The following ITGA8 variants were observed in gnomAD, a reference collection of about 807,000 sequenced individuals.
ITGA8 encodes the protein integrin alpha-8.
Under a neutral mutation model 142.3 loss-of-function variants are expected in ITGA8, and 91 were observed. That is an observed-to-expected ratio of 0.64 (90% CI 0.54 to 0.76). The LOEUF is 0.76. Ranked by LOEUF, ITGA8 falls within the 30% of genes least tolerant of loss-of-function variation. ITGA8 has a pLI of 0.00. For missense variants in ITGA8, 1,406 were observed against 1,327.7 expected, an observed-to-expected ratio of 1.06 and a Z score of -0.92; for synonymous variants, 505 against 485.2, an observed-to-expected ratio of 1.04 and a Z score of -0.54.
At chr10:15,698,740 C>T (rs1401734268) in intron 2 of ITGA8, among the ~76,000 whole-genome samples, 1 of 152,074 alleles carries the variant, frequency 6.6e-6, no homozygotes, top group African/African-American at 2.4e-5. Flanking sequence ...ATGTCCTTAG[C>T]CCACTTTTTG....
At chr10:15,581,861 A>G (rs1834414081) in intron 23 of ITGA8, among the ~76,000 whole-genome samples, 1 of 152,230 alleles carries the variant, frequency 6.6e-6, no homozygotes, top group South Asian at 2.1e-4. Context: ...ACTCTCACAT[A>G]TAATAATGGA....
At chr10:15,700,642 G>A (rs747457871) in intron 2 of ITGA8, among the ~76,000 whole-genome samples, 6 of 152,128 alleles carry the variant, frequency 3.9e-5, no homozygotes, top group East Asian at 1.9e-4. Flanking sequence ...CCCACAGAGC[G>A]GGAGAAAATC....
chr10:15,551,581 G>A (rs1158306659), intron 26 of ITGA8, among the ~76,000 whole-genome samples: 2 of 150,576 alleles, frequency 1.3e-5, no homozygotes, highest in Non-Finnish European at 3.0e-5. Context: ...GAAAGGGAAG[G>A]GTATTCTTAG....
At chr10:15,558,413 C>T (rs561240801) in intron 25 of ITGA8, among the ~76,000 whole-genome samples, 11 of 152,250 alleles carry the variant, frequency 7.2e-5, no homozygotes, top group Non-Finnish European at 1.5e-4. Context: ...CAGGAATTCA[C>T]GAAGCATGGG....
Position 15,586,049 on chromosome 10 carries a change from ATTTTT to A in ITGA8, c.2372+530_2372+534del, listed in dbSNP as rs59435924. 3.4e-3 allele frequency among the ~76,000 whole-genome samples: 263 copies of A among 76,802 alleles called. 3 individuals are homozygous for A. Among genetic ancestry groups the A allele is most frequent in the African/African-American group, 0.014 (257 of 18,986 alleles). 50.4% of individuals were successfully genotyped at this position (76,802 alleles called of 152,430 possible). A position where few individuals can be genotyped will look rare whatever the true frequency, so the allele number is the denominator to read the frequency against. ...CACTGTCAATTTGGGGAATAAAGTG[ATTTTT>A]TTTTTTTTTTTTTTTTTTTTTGAGA... On this transcript the variant is annotated intron_variant, in intron 23 of 29. Coordinates refer to ENST00000378076, the MANE Select transcript of ITGA8 (RefSeq NM_003638.3).
At chr10:15,663,224 T>C (rs1834322665) in intron 8 of ITGA8, among the ~76,000 whole-genome samples, 1 of 152,190 alleles carries the variant, frequency 6.6e-6, no homozygotes, top group African/African-American at 2.4e-5. Context: ...GTGAGCTGAT[T>C]GCGATGTTCC....
intron 13 of ITGA8, among the ~76,000 whole-genome samples, chr10:15,632,599 A>T (rs1833703431): frequency 6.6e-6 from 1 of 152,110 alleles, no homozygotes; most frequent in African/African-American, 2.4e-5. Flanking sequence ...GCAGGTCGGT[A>T]TTTCAGGTTC....
intron 8 of ITGA8, among the ~76,000 whole-genome samples, chr10:15,666,583 C>A (rs1027745660): frequency 3.9e-5 from 6 of 152,272 alleles, no homozygotes; most frequent in Middle Eastern, 3.4e-3. Context: ...GAGAGGGCAT[C>A]CCTGTCTTGT....
At chr10:15,672,888 T>A in intron 6 of ITGA8, 139 bp from the exon 7 acceptor site, 1 of 881,812 alleles carries the variant, frequency 1.1e-6, no homozygotes, top group East Asian at 3.0e-5. Context: ...CCGCTCAAAC[T>A]CCAAGGCAGA....
chr10:15,577,366 G>T (rs558293656), intron 23 of ITGA8, among the ~76,000 whole-genome samples: 6 of 152,088 alleles, frequency 3.9e-5, no homozygotes, highest in South Asian at 4.2e-4. Context: ...TTGTACACAG[G>T]AGTAGAGGGT....
intron 2 of ITGA8, among the ~76,000 whole-genome samples, chr10:15,706,471 C>T (rs939617639): frequency 6.6e-6 from 1 of 152,038 alleles, no homozygotes; most frequent in African/African-American, 2.4e-5. Flanking sequence ...TCCCTCCTGT[C>T]ACTCACTCTG....
At chr10:15,691,094 C>T (rs1465106158) in intron 2 of ITGA8, among the ~76,000 whole-genome samples, 1 of 152,130 alleles carries the variant, frequency 6.6e-6, no homozygotes, top group Non-Finnish European at 1.5e-5. Flanking sequence ...TGAAAAAATG[C>T]TTAACATCCC....
chr10:15,624,193 A>T (rs1833541767), intron 13 of ITGA8, among the ~76,000 whole-genome samples: 1 of 152,122 alleles, frequency 6.6e-6, no homozygotes, highest in South Asian at 2.1e-4. Context: ...CTCTCTTTGA[A>T]TCTCTCTAAA....
At chr10:15,547,515 T>C (rs913228819) in intron 27 of ITGA8, among the ~76,000 whole-genome samples, 12 of 152,276 alleles carry the variant, frequency 7.9e-5, no homozygotes, top group Admixed American at 7.8e-4. Flanking sequence ...GAGGTTGCAG[T>C]GAGTCAAGAT....
chr10:15,707,961 G>GACACACACACACAC (rs138462340), intron 2 of ITGA8, among the ~76,000 whole-genome samples: 95 of 144,950 alleles, frequency 6.6e-4, no homozygotes, highest in Admixed American at 2.3e-3. Context: ...TGCACACACC[G>GACACACACACACAC]ACACACACAC....
chr10:15,587,086 C>T (rs1832845503), intron 22 of ITGA8, among the ~76,000 whole-genome samples: 1 of 152,170 alleles, frequency 6.6e-6, no homozygotes, highest in Admixed American at 6.5e-5. Context: ...CCACACCCAG[C>T]TAATTTTTGT....
At chr10:15,589,263 A>C (rs906667691) in intron 22 of ITGA8, among the ~76,000 whole-genome samples, 3 of 151,894 alleles carry the variant, frequency 2.0e-5, no homozygotes, top group Non-Finnish European at 4.4e-5. Context: ...CATTCCCTCT[A>C]TGCTTTCTGT....
chr10:15,719,825 T>C lies in ITGA8; in HGVS notation c.-54A>G. ...CCCAGGAGCGCGAGCCGAGGACCCC[T>C]GCGGGGCAAGGGGGGCTGGTGGAAT... On this transcript the variant is annotated 5_prime_UTR_variant, in exon 1 of 30. Transcript: ENST00000378076. 7.9e-7 allele frequency: 1 copy of C among 1,260,250 alleles called. No homozygotes were observed. Among genetic ancestry groups the C allele is most frequent in the Non-Finnish European group, 1.0e-6 (1 of 992,206 alleles). The allele number at this position is 1,260,250 out of a possible 1,614,324, so 78.1% of individuals were successfully genotyped here.
At chr10:15,519,219 C>T in intron 29 of ITGA8, 71 bp downstream of exon 29, 2 of 1,563,588 alleles carry the variant, frequency 1.3e-6, no homozygotes, top group Non-Finnish European at 1.7e-6. Flanking sequence ...TTTAAAATCC[C>T]TAACTGTATC....
Sources: allele counts gnomAD v4.1 joint callset (sites outside exome capture counted in the v4.1 genomes callset), GRCh38; gene constraint gnomAD v4.1.1; transcripts MANE v1.5; gene names NCBI Gene and HGNC (gene_info 2026-07-23, HGNC 2026-07-21).